The following BCL2L11 variants were observed in gnomAD, a reference collection of about 807,000 sequenced individuals.
The protein encoded by BCL2L11 is bcl-2-like protein 11.
A neutral mutation model predicts 20.6 loss-of-function variants in BCL2L11; 15 were observed. The ratio of observed to expected loss-of-function variants is 0.73; its 90% CI spans 0.49 to 1.12. BCL2L11 has a LOEUF of 1.12. Ranked by LOEUF, BCL2L11 falls within the 50% of genes most tolerant of loss-of-function variation. BCL2L11 has a pLI of 0.00. For missense variants in BCL2L11, 292 were observed against 260.9 expected, an observed-to-expected ratio of 1.12 and a Z score of -0.82; for synonymous variants, 108 against 92.8, an observed-to-expected ratio of 1.16 and a Z score of -0.94.
chr2:111,146,988 T>TA (rs1274744367), intron 2 of BCL2L11, among the ~76,000 whole-genome samples: 1 of 152,164 alleles, frequency 6.6e-6, no homozygotes, highest in African/African-American at 2.4e-5. Flanking sequence ...AACTGGTTTT[T>TA]AAAAAAATAG....
At position 111,123,951 on chromosome 2, in the gene BCL2L11, G is replaced by T; in HGVS notation, c.206G>T (p.Ser69Ile). Residue 69 changes from serine (S) to isoleucine (I), a missense_variant, in exon 2 of 4, where the codon AGC becomes ATC. Physicochemically the swap from Ser to Ile is moderately radical, Grantham distance 142. Coordinates refer to ENST00000393256, the MANE Select transcript of BCL2L11 (RefSeq NM_138621.5). Reference sequence around the variant, plus strand: ...CAGGGCCCGCTGGCCCCACCTGCCAGCCCTGGCCCTTTTGCTACCAGATCC... The same window carrying T: ...CAGGGCCCGCTGGCCCCACCTGCCATCCCTGGCCCTTTTGCTACCAGATCC... ...SPQGPLAPPA[S>I]PGPFATRSPL... is the part of the protein sequence containing the mutation. 1 of 1,614,224 alleles carries T rather than the reference G, an allele frequency of 6.2e-7. No individual in the cohort carries two copies. The highest frequency in any genetic ancestry group is 8.5e-7 in the Non-Finnish European group (1 of 1,180,028).
At chr2:111,121,362 C>T (rs1326777086) in intron 1 of BCL2L11, among the ~76,000 whole-genome samples, 174 bp downstream of exon 1, 1 of 152,180 alleles carries the variant, frequency 6.6e-6, no homozygotes, top group South Asian at 2.1e-4. Context: ...GGTTCCCTCT[C>T]GGGCAGGTTC....
rs924869290 is a variant in BCL2L11 at position 111,161,409 on chromosome 2, T to G, written c.499-2724T>G. The G allele has an allele frequency of 1.9e-6, 3 of 1,550,544 alleles. No individual in the cohort carries two copies. In the African/African-American group the frequency reaches 4.1e-5, roughly 21 times the overall value. On this transcript the variant is annotated intron_variant, in intron 3 of 3. Coordinates refer to ENST00000393256, the MANE Select transcript of BCL2L11 (RefSeq NM_138621.5). ...GAGTGGCAGAACTTAAATGCACTTT[T>G]GATTCACAGATGCCTCTTCCACCTG...
At chr2:111,136,231 C>T (rs1196604824) in intron 2 of BCL2L11, among the ~76,000 whole-genome samples, 1 of 152,168 alleles carries the variant, frequency 6.6e-6, no homozygotes, top group Non-Finnish European at 1.5e-5. Context: ...TGGAAAGGCC[C>T]AGTTGGAGGT....
At chr2:111,122,630 G>A (rs908161016) in intron 1 of BCL2L11, 3 of 984,252 alleles carry the variant, frequency 3.0e-6, no homozygotes, top group Non-Finnish European at 2.4e-6. Context: ...CAGAGCGCGA[G>A]GGGAGGAGCG....
intron 3 of BCL2L11, among the ~76,000 whole-genome samples, chr2:111,151,615 T>C (rs1488238581): frequency 5.3e-5 from 8 of 152,244 alleles, no homozygotes; most frequent in African/African-American, 1.9e-4. Context: ...GTTTTAGGCT[T>C]CTTTTAGACA....
At chr2:111,125,129 CAG>C (rs918936151) in intron 2 of BCL2L11, among the ~76,000 whole-genome samples, 11 of 152,218 alleles carry the variant, frequency 7.2e-5, no homozygotes, top group Non-Finnish European at 1.5e-4. Flanking sequence ...CATGTGGTCT[CAG>C]GGTGGGTTTT....
In BCL2L11 at chr2:111,167,704, C is replaced by T. The variant is rs956892665; in HGVS notation, c.*3473C>T. 1 of 152,340 alleles carries T rather than the reference C, an allele frequency of 6.6e-6. No homozygotes were observed. Among genetic ancestry groups the T allele is most frequent in the African/African-American group, 2.4e-5 (1 of 41,452 alleles). 9.4% of individuals were successfully genotyped at this position (152,340 alleles called of 1,614,324 possible). A position where few individuals can be genotyped will look rare whatever the true frequency, so the allele number is the denominator to read the frequency against. Reference sequence around the variant, plus strand: ...CAACTGTGAGTAGCTGGGTTTTCCCCCACCTGCTGTGCAACTTCCTGTGCT... The same window carrying T: ...CAACTGTGAGTAGCTGGGTTTTCCCTCACCTGCTGTGCAACTTCCTGTGCT... On this transcript the variant is annotated 3_prime_UTR_variant, in exon 4 of 4. Transcript: ENST00000393256.
intron 3 of BCL2L11, among the ~76,000 whole-genome samples, chr2:111,157,312 C>G (rs1335988397): frequency 1.3e-5 from 2 of 152,208 alleles, no homozygotes; most frequent in Non-Finnish European, 2.9e-5. Context: ...CTTGGCCCTG[C>G]TGCAGACGTT....
At chr2:111,142,295 C>A (rs1226277931) in intron 2 of BCL2L11, 1 of 1,547,758 alleles carries the variant, frequency 6.5e-7, no homozygotes, top group African/African-American at 1.4e-5. Context: ...ATTTATACAA[C>A]ATTTTTATGG....
At chr2:111,148,215 T>TAA (rs2076815692) in intron 2 of BCL2L11, among the ~76,000 whole-genome samples, 1 of 152,220 alleles carries the variant, frequency 6.6e-6, no homozygotes, top group South Asian at 2.1e-4. Context: ...TGGGTGATGG[T>TAA]GTCTTGCTGG....
At chr2:111,157,857 G>T (rs1441979314) in intron 3 of BCL2L11, among the ~76,000 whole-genome samples, 1 of 152,228 alleles carries the variant, frequency 6.6e-6, no homozygotes, top group Non-Finnish European at 1.5e-5. Context: ...AGCACCCATA[G>T]CTTTGCAACG....
rs923281245 is a variant in BCL2L11, at chr2:111,142,281, A to G, written c.395-7763A>G. ...TATCTGTCTGGGAAGACATGGCACAATTTATTTATACAACATTTTTATGGC... is the reference window on the plus strand; with the variant it reads ...TATCTGTCTGGGAAGACATGGCACAGTTTATTTATACAACATTTTTATGGC... On this transcript the variant is annotated intron_variant, in intron 2 of 3. Coordinates refer to ENST00000393256, the MANE Select transcript of BCL2L11 (RefSeq NM_138621.5). The G allele has an allele frequency of 9.1e-6, 14 of 1,535,792 alleles. No homozygotes were observed. The South Asian group carries it at 1.1e-4, about 12-fold the overall frequency.
intron 2 of BCL2L11, among the ~76,000 whole-genome samples, chr2:111,137,677 T>C (rs1442530001): frequency 6.8e-6 from 1 of 147,190 alleles, no homozygotes; most frequent in African/African-American, 2.5e-5. Context: ...CAGAAACATA[T>C]ATGCAAGGGG....
At chr2:111,161,312 A>G in intron 3 of BCL2L11, 1 of 1,359,776 alleles carries the variant, frequency 7.4e-7, no homozygotes, top group Non-Finnish European at 1.0e-6. Context: ...GATTGTATTT[A>G]TTTTAATAGT....
At chr2:111,130,875 G>A (rs900103578) in intron 2 of BCL2L11, among the ~76,000 whole-genome samples, 13 of 152,130 alleles carry the variant, frequency 8.5e-5, no homozygotes, top group African/African-American at 3.1e-4. Flanking sequence ...ATCCCATGAT[G>A]TTAATTTATA....
At chr2:111,122,856 G>T (rs2071437097) in intron 1 of BCL2L11, 1 of 985,500 alleles carries the variant, frequency 1.0e-6, no homozygotes, top group African/African-American at 1.7e-5. Context: ...TCGGCGAAGG[G>T]CGCGGGCCGG....
chr2:111,146,551 T>C (rs1341696164), intron 2 of BCL2L11, among the ~76,000 whole-genome samples: 1 of 152,184 alleles, frequency 6.6e-6, no homozygotes, highest in Non-Finnish European at 1.5e-5. Context: ...GGTGGATCCC[T>C]TTGTCATCGT....
intron 3 of BCL2L11, among the ~76,000 whole-genome samples, chr2:111,158,318 A>G (rs1575193535): frequency 6.6e-6 from 1 of 152,254 alleles, no homozygotes; most frequent in South Asian, 2.1e-4. Context: ...TCCTAGTTCC[A>G]TGTCCCACCC....
Sources: allele counts gnomAD v4.1 joint callset (sites outside exome capture counted in the v4.1 genomes callset), GRCh38; gene constraint gnomAD v4.1.1; transcripts MANE v1.5; gene names NCBI Gene and HGNC (gene_info 2026-07-23, HGNC 2026-07-21).